CSGALNACT1: variants seen among roughly 807,000 people sequenced by gnomAD.
CSGALNACT1 encodes the protein beta4GalNAcT-1.
A neutral mutation model predicts 51.0 loss-of-function variants in CSGALNACT1; 52 were observed. That is an observed-to-expected ratio of 1.02 (90% CI 0.82 to 1.29). The LOEUF is 1.29. CSGALNACT1 is among the 50% of genes most tolerant of loss of function. The probability of loss-of-function intolerance (pLI) is 0.00; values close to 1 mark genes in which losing one functional copy is unlikely to be tolerated. For synonymous variants in CSGALNACT1, 341 were observed against 254.4 expected, an observed-to-expected ratio of 1.34 and a Z score of -3.24; for missense variants, 935 against 679.2, an observed-to-expected ratio of 1.38 and a Z score of -4.19.
intron 3 of CSGALNACT1, among the ~76,000 whole-genome samples, chr8:19,555,172 G>C (rs1320899703): frequency 1.3e-5 from 2 of 151,968 alleles, no homozygotes; most frequent in Non-Finnish European, 2.9e-5. Context: ...CCAGGAGGCA[G>C]AGTTTGAAAT....
chr8:19,698,717 C>G (rs536299471), intron 1 of CSGALNACT1, among the ~76,000 whole-genome samples: 1 of 151,962 alleles, frequency 6.6e-6, no homozygotes, highest in Admixed American at 6.6e-5. Context: ...TGTGAATCAC[C>G]GGTAGGAATG....
At chr8:19,445,557 T>G (rs1369151938) in intron 5 of CSGALNACT1, among the ~76,000 whole-genome samples, 1 of 152,226 alleles carries the variant, frequency 6.6e-6, no homozygotes, top group Non-Finnish European at 1.5e-5. Flanking sequence ...TGTACTCTTC[T>G]CTTTCATTCA....
intron 1 of CSGALNACT1, among the ~76,000 whole-genome samples, chr8:19,640,897 C>G (rs1377837479): frequency 6.7e-6 from 1 of 150,298 alleles, no homozygotes; most frequent in African/African-American, 2.4e-5. Flanking sequence ...TTTTTCCTTT[C>G]AGATTATCCA....
intron 3 of CSGALNACT1, among the ~76,000 whole-genome samples, chr8:19,573,848 T>G (rs189471039): frequency 3.9e-4 from 60 of 152,274 alleles, no homozygotes; most frequent in African/African-American, 1.4e-3. Flanking sequence ...ATAAAGCAGG[T>G]AGAAGAAAAG....
chr8:19,541,607 C>T (rs35808840), intron 3 of CSGALNACT1, among the ~76,000 whole-genome samples: 2,720 of 129,794 alleles, frequency 0.021, 49 homozygotes, highest in Non-Finnish European at 0.029. Context: ...ACCACATTGG[C>T]CAGGCAGGTC....
chr8:19,429,799 C>A (rs967570699), intron 6 of CSGALNACT1, among the ~76,000 whole-genome samples: 2 of 152,202 alleles, frequency 1.3e-5, no homozygotes, highest in African/African-American at 2.4e-5. Flanking sequence ...TAAGGAACTG[C>A]CACACTGTTT....
chr8:19,733,627 G>GCCGAGTGGTCCCATATGTCC (rs1229896206), intron 1 of CSGALNACT1, among the ~76,000 whole-genome samples: 88 of 152,260 alleles, frequency 5.8e-4, no homozygotes, highest in Non-Finnish European at 9.8e-4. Context: ...CACTCTGTGT[G>GCCGAGTGGTCCCATATGTCC]CCGAGTGGTC....
At chr8:19,747,113 G>A (rs1372873288) in intron 1 of CSGALNACT1, among the ~76,000 whole-genome samples, 1 of 152,160 alleles carries the variant, frequency 6.6e-6, no homozygotes, top group Non-Finnish European at 1.5e-5. Context: ...TTGGTGAAAA[G>A]TGCAAAAAGT....
intron 3 of CSGALNACT1, among the ~76,000 whole-genome samples, chr8:19,576,048 G>A (rs984875331): frequency 4.6e-5 from 7 of 152,116 alleles, no homozygotes; most frequent in East Asian, 1.9e-4. Flanking sequence ...TAGGTGGGCC[G>A]AGAGACGGGA....
At chr8:19,406,989 A>G (rs902475568) in intron 9 of CSGALNACT1, among the ~76,000 whole-genome samples, 8 of 152,210 alleles carry the variant, frequency 5.3e-5, no homozygotes, top group Non-Finnish European at 1.2e-4. Context: ...GAATACAGGC[A>G]TGAGCCACCA....
At chr8:19,408,619 T>C (rs760815838) in exon 9 of CSGALNACT1, 1 of 1,613,848 alleles carries the variant, frequency 6.2e-7, no homozygotes, top group South Asian at 1.1e-5. Flanking sequence ...CTACCTATAT[T>C]GATGAAGTCT....
intron 4 of CSGALNACT1, among the ~76,000 whole-genome samples, chr8:19,461,631 C>T (rs1445707992): frequency 2.3e-5 from 3 of 127,742 alleles, no homozygotes; most frequent in Non-Finnish European, 3.5e-5. Flanking sequence ...GGGGCGTATC[C>T]GCACAGCGGC....
chr8:19,513,436 C>CTCTCTCTCTCTATATATATATATATA, intron 3 of CSGALNACT1, among the ~76,000 whole-genome samples: 18 of 81,956 alleles, frequency 2.2e-4, no homozygotes, highest in Non-Finnish European at 3.8e-4. Flanking sequence ...CTCTCTCTCT[C>CTCTCTCTCTCTATATATATATATATA]TATATATATA....
chr8:19,443,300 A>T (rs922224841), intron 5 of CSGALNACT1, among the ~76,000 whole-genome samples: 1 of 152,226 alleles, frequency 6.6e-6, no homozygotes, highest in Admixed American at 6.5e-5. Context: ...ATGTATGTGT[A>T]GATATGTAAA....
At chr8:19,481,894 T>C (rs975439809) in intron 4 of CSGALNACT1, among the ~76,000 whole-genome samples, 6 of 152,234 alleles carry the variant, frequency 3.9e-5, no homozygotes, top group Non-Finnish European at 7.3e-5. Context: ...CTGAAGCAAC[T>C]TTTGAATACT....
chr8:19,669,840 G>A (rs564385103), intron 1 of CSGALNACT1, among the ~76,000 whole-genome samples: 1 of 152,260 alleles, frequency 6.6e-6, no homozygotes, highest in East Asian at 1.9e-4. Context: ...GCTGAAAACA[G>A]CTTATTGCAG....
At chr8:19,648,239 C>T (rs370315730) in intron 1 of CSGALNACT1, among the ~76,000 whole-genome samples, 24 of 152,194 alleles carry the variant, frequency 1.6e-4, no homozygotes, top group African/African-American at 5.8e-4. Flanking sequence ...AATCTAGCAA[C>T]ATTAATCAAA....
chr8:19,592,708 C>G, intron 2 of CSGALNACT1, among the ~76,000 whole-genome samples: 1 of 152,206 alleles, frequency 6.6e-6, no homozygotes. Context: ...GAGCCAAGAT[C>G]GCACCACTGT....
chr8:19,558,929 G>A (rs901540352), intron 3 of CSGALNACT1, among the ~76,000 whole-genome samples: 3 of 152,074 alleles, frequency 2.0e-5, no homozygotes, highest in Admixed American at 6.5e-5. Context: ...AGCTAAACTG[G>A]AAATATTCTG....
Sources: gnomAD v4.1 joint callset for allele counts (sites outside exome capture counted in the v4.1 genomes callset) on GRCh38, gnomAD v4.1.1 for gene constraint, MANE v1.5 for transcripts, NCBI Gene and HGNC (gene_info 2026-07-23, HGNC 2026-07-21) for gene names.